ROR1: variants seen among roughly 807,000 people sequenced by gnomAD.
ROR1 encodes inactive tyrosine-protein kinase transmembrane receptor ROR1.
In ROR1, 19 loss-of-function variants were observed where a neutral mutation model predicts 78.8. The observed-to-expected ratio is 0.24, with a 90% CI of 0.17 to 0.35. The LOEUF is 0.35. Ranked by LOEUF, ROR1 falls within the 10% of genes least tolerant of loss-of-function variation. The pLI is 1.00. For missense variants in ROR1, 917 were observed against 1,177.8 expected (o/e 0.78, Z 3.24); for synonymous variants, 386 against 433.6 (o/e 0.89, Z 1.36).
At chr1:63,918,469 C>T (rs1645627424) in intron 1 of ROR1, among the ~76,000 whole-genome samples, 1 of 152,150 alleles carries the variant, frequency 6.6e-6, no homozygotes, top group Non-Finnish European at 1.5e-5. Flanking sequence ...TATGAAGAAT[C>T]TCAGTAGGTT....
At chr1:63,972,135 T>G (rs1160065493) in intron 1 of ROR1, among the ~76,000 whole-genome samples, 1 of 152,230 alleles carries the variant, frequency 6.6e-6, no homozygotes, top group Non-Finnish European at 1.5e-5. Flanking sequence ...TGCCTACGTC[T>G]CATGCCTGTT....
chr1:63,964,158 T>C (rs569994653), intron 1 of ROR1, among the ~76,000 whole-genome samples: 1 of 152,318 alleles, frequency 6.6e-6, no homozygotes, highest in South Asian at 2.1e-4. Context: ...AGAGGTATTA[T>C]TTGATTTCTT....
chr1:63,779,018 T>C lies in ROR1; in HGVS notation c.91+4510T>C, dbSNP rs1420729786. ...GTAATCTAGAGGTTATAAGAAATTA[T>C]TGGAGACAGCCAATTTCAATTTCCC... is the stretch of plus-strand genomic sequence containing the variant. On this transcript the variant is annotated intron_variant, in intron 1 of 8. Transcript: ENST00000371079. 4.6e-5 allele frequency among the ~76,000 whole-genome samples: 7 copies of C among 152,352 alleles called. No individual in the cohort carries two copies. The East Asian group carries it at 7.7e-4, about 17-fold the overall frequency.
intron 1 of ROR1, among the ~76,000 whole-genome samples, chr1:63,853,860 T>G (rs767098061): frequency 4.6e-5 from 7 of 152,198 alleles, no homozygotes; most frequent in African/African-American, 7.2e-5. Flanking sequence ...TTAGCATAAT[T>G]CTCTACTAAA....
At chr1:64,014,768 A>G (rs1436502452) in intron 2 of ROR1, among the ~76,000 whole-genome samples, 9 of 76,586 alleles carry the variant, frequency 1.2e-4, no homozygotes, top group African/African-American at 3.5e-4. Flanking sequence ...ATATATATAT[A>G]TATATACACA....
At chr1:64,153,319 C>A (rs1161183615) in intron 7 of ROR1, among the ~76,000 whole-genome samples, 2 of 152,122 alleles carry the variant, frequency 1.3e-5, no homozygotes, top group South Asian at 2.1e-4. Flanking sequence ...TAAAATGGTG[C>A]AGCTGCTATG....
At chr1:63,865,100 A>G (rs895698610) in intron 1 of ROR1, among the ~76,000 whole-genome samples, 4 of 152,048 alleles carry the variant, frequency 2.6e-5, no homozygotes. Context: ...ATACATATAC[A>G]TTTTTCCCCA....
chr1:63,916,571 G>C (rs1235723803), intron 1 of ROR1, among the ~76,000 whole-genome samples: 1 of 152,184 alleles, frequency 6.6e-6, no homozygotes, highest in African/African-American at 2.4e-5. Context: ...ATAGAGTTTT[G>C]AACATTGTGC....
chr1:64,056,685 A>C (rs989091429), intron 4 of ROR1, among the ~76,000 whole-genome samples: 1 of 151,918 alleles, frequency 6.6e-6, no homozygotes, highest in African/African-American at 2.4e-5. Flanking sequence ...CCAAAAAAAA[A>C]AAAAACAAAC....
intron 1 of ROR1, among the ~76,000 whole-genome samples, chr1:63,964,182 C>T (rs955501361): frequency 2.6e-5 from 4 of 152,098 alleles, no homozygotes; most frequent in Non-Finnish European, 5.9e-5. Flanking sequence ...GGGCATATAG[C>T]CACCTAAGTC....
intron 2 of ROR1, among the ~76,000 whole-genome samples, chr1:64,048,407 C>T (rs1646802508): frequency 6.6e-6 from 1 of 152,122 alleles, no homozygotes; most frequent in South Asian, 2.1e-4. Context: ...ACTGAGGATG[C>T]AGTGATGACC....
chr1:63,860,586 C>CACACACACACACACAT (rs1645173882), intron 1 of ROR1, among the ~76,000 whole-genome samples: 1 of 145,002 alleles, frequency 6.9e-6, no homozygotes, highest in African/African-American at 2.6e-5. Context: ...CACACACACA[C>CACACACACACACACAT]ACACACACAC....
intron 1 of ROR1, among the ~76,000 whole-genome samples, chr1:63,791,626 C>T (rs17320885): frequency 0.083 from 12,656 of 152,154 alleles, 687 homozygotes; most frequent in Non-Finnish European, 0.12. Context: ...CATTGCTAAT[C>T]GATGGGCATG....
Position 64,178,290 on chromosome 1 carries a change from A to C in ROR1, c.2249A>C (p.Glu750Ala). Reference protein sequence around the residue: ...KDIHVRLRSWEGLSSHTSSTT... With the variant: ...KDIHVRLRSWAGLSSHTSSTT... ...ATTCACGTCCGGCTTCGGTCCTGGG[A>C]GGGACTCTCAAGTCACACAAGCTCT... is the stretch of plus-strand genomic sequence containing the variant. Residue 750 changes from glutamate (E) to alanine (A), a missense_variant, in exon 9 of 9, where the codon GAG (glutamate) becomes GCG (alanine). By Grantham distance (107) the Glu-to-Ala change is moderately radical. Coordinates refer to ENST00000371079, the MANE Select transcript of ROR1 (RefSeq NM_005012.4). The surrounding 1 kb of genome is among the most constrained non-coding windows in gnomAD (Gnocchi z 4.3). 6.2e-7 allele frequency: 1 copy of C among 1,614,110 alleles called. No individual in the cohort carries two copies. Among genetic ancestry groups the C allele is most frequent in the Non-Finnish European group, 8.5e-7 (1 of 1,180,008 alleles).
At chr1:63,952,608 T>C (rs553363919) in intron 1 of ROR1, among the ~76,000 whole-genome samples, 33 of 152,274 alleles carry the variant, frequency 2.2e-4, no homozygotes, top group Admixed American at 6.5e-4. Context: ...GCTGGAGTTC[T>C]CTGAGGGAGA....
At chr1:64,092,942 G>C (rs957583785) in intron 4 of ROR1, among the ~76,000 whole-genome samples, 2 of 152,142 alleles carry the variant, frequency 1.3e-5, no homozygotes, top group Non-Finnish European at 2.9e-5. Flanking sequence ...TCCATCATCG[G>C]TGGGGCTTAT....
chr1:64,027,908 G>C (rs552037957), intron 2 of ROR1, among the ~76,000 whole-genome samples: 2 of 152,084 alleles, frequency 1.3e-5, no homozygotes, highest in Admixed American at 1.3e-4. Flanking sequence ...GGATAGTCTT[G>C]ATCTCCTGAC....
chr1:63,873,271 A>G (rs1645263362), intron 1 of ROR1, among the ~76,000 whole-genome samples: 2 of 152,188 alleles, frequency 1.3e-5, no homozygotes, highest in South Asian at 4.1e-4. Context: ...GATTCTGGCT[A>G]CAGCTAAATG....
At chr1:64,031,495 C>T (rs1255623027) in intron 2 of ROR1, among the ~76,000 whole-genome samples, 2 of 152,144 alleles carry the variant, frequency 1.3e-5, no homozygotes, top group African/African-American at 2.4e-5. Flanking sequence ...AAAATGTCTC[C>T]CCCAAAAGAA....
Sources: gnomAD v4.1 joint callset for allele counts (sites outside exome capture counted in the v4.1 genomes callset) on GRCh38, gnomAD v4.1.1 for gene constraint, Gnocchi (gnomAD v3.1) non-coding constraint, MANE v1.5 for transcripts, NCBI Gene and HGNC (gene_info 2026-07-23, HGNC 2026-07-21) for gene names.